The following ANKRD44 variants were observed in gnomAD, a reference collection of about 807,000 sequenced individuals.
The protein encoded by ANKRD44 is ankyrin repeat domain 44.
ANKRD44 carries 35 observed loss-of-function variants against 116.0 expected under a neutral mutation model. The observed-to-expected ratio is 0.30, with a 90% CI of 0.23 to 0.40. ANKRD44 has a LOEUF of 0.40. Ranked by LOEUF, ANKRD44 falls within the 10% of genes least tolerant of loss-of-function variation. The pLI is 1.00. For missense variants in ANKRD44, 1,014 were observed against 1,242.6 expected (o/e 0.82, Z 2.77); for synonymous variants, 435 against 461.8 (o/e 0.94, Z 0.74).
intron 1 of ANKRD44, among the ~76,000 whole-genome samples, chr2:197,243,188 C>T (rs1452426023): frequency 6.6e-6 from 1 of 152,140 alleles, no homozygotes; most frequent in Admixed American, 6.6e-5. Context: ...ACAAAGTCCA[C>T]CATTTTGAAG....
chr2:197,160,086 G>A (rs1444207798), intron 2 of ANKRD44, among the ~76,000 whole-genome samples: 2 of 151,730 alleles, frequency 1.3e-5, no homozygotes, highest in Non-Finnish European at 2.9e-5. Flanking sequence ...ACACACATAC[G>A]CATGCACTTT....
At chr2:197,171,028 A>C (rs980226789) in intron 2 of ANKRD44, among the ~76,000 whole-genome samples, 4 of 152,234 alleles carry the variant, frequency 2.6e-5, no homozygotes, top group Non-Finnish European at 4.4e-5. Flanking sequence ...CATGCCAAGC[A>C]TCCAGCGTTT....
At chr2:197,027,654 C>A in intron 16 of ANKRD44, among the ~76,000 whole-genome samples, 1 of 148,426 alleles carries the variant, frequency 6.7e-6, no homozygotes, top group African/African-American at 2.5e-5. Flanking sequence ...AGTGTCATGA[C>A]AGATCAAGGA....
At chr2:197,303,328 C>T (rs2083969796) in intron 1 of ANKRD44, among the ~76,000 whole-genome samples, 1 of 152,184 alleles carries the variant, frequency 6.6e-6, no homozygotes, top group Non-Finnish European at 1.5e-5. Context: ...TCTACCTGTT[C>T]CCATTTTGAC....
rs572631727 is a variant in ANKRD44, at chr2:197,309,321, G to C, written c.27+1257C>G. On this transcript the variant is annotated intron_variant, in intron 1 of 27. Coordinates refer to ENST00000282272, the MANE Select transcript of ANKRD44 (RefSeq NM_001195144.2). Reference sequence around the variant, plus strand: ...AATACATTCATCACAAGTACCAGCTGCTCTTCTTACTAAATTTAACAATAA... The same window carrying C: ...AATACATTCATCACAAGTACCAGCTCCTCTTCTTACTAAATTTAACAATAA... Among the ~76,000 whole-genome samples, 16 of 152,308 alleles carry C rather than the reference G, an allele frequency of 1.1e-4. 1 individual carries two copies. Among genetic ancestry groups the C allele is most frequent in the Admixed American group, 1.0e-3 (16 of 15,282 alleles).
chr2:197,173,799 G>A (rs770149828), intron 2 of ANKRD44, among the ~76,000 whole-genome samples: 5 of 152,256 alleles, frequency 3.3e-5, no homozygotes, highest in African/African-American at 9.6e-5. Flanking sequence ...TTGGGAAGCC[G>A]AGGTGGGTGG....
intron 10 of ANKRD44, among the ~76,000 whole-genome samples, chr2:197,095,677 T>C (rs1013103320): frequency 1.3e-5 from 2 of 152,176 alleles, no homozygotes; most frequent in African/African-American, 2.4e-5. Context: ...CCCATTTCTA[T>C]CCCTTACTGG....
chr2:197,279,036 G>C (rs1399687487), intron 1 of ANKRD44, among the ~76,000 whole-genome samples: 1 of 152,116 alleles, frequency 6.6e-6, no homozygotes, highest in East Asian at 1.9e-4. Flanking sequence ...AGACTAAGCG[G>C]GTTTTTCTTA....
intron 8 of ANKRD44, among the ~76,000 whole-genome samples, chr2:197,120,831 T>C (rs2078835064): frequency 6.6e-6 from 1 of 152,096 alleles, no homozygotes; most frequent in South Asian, 2.1e-4. Context: ...AGAGATCCAG[T>C]ATTTGTCCTG....
chr2:197,020,691 G>A (rs2076479176), intron 17 of ANKRD44, among the ~76,000 whole-genome samples: 1 of 152,022 alleles, frequency 6.6e-6, no homozygotes, highest in Non-Finnish European at 1.5e-5. Context: ...TATGCATAAA[G>A]TAAAGCCTTC....
chr2:197,275,428 CAAAAAAAAAAA>C (rs527811437), intron 1 of ANKRD44, among the ~76,000 whole-genome samples: 87 of 97,268 alleles, frequency 8.9e-4, no homozygotes, highest in Non-Finnish European at 1.4e-3. Flanking sequence ...CCAGTCTCTT[CAAAAAAAAAAA>C]AAAAAAAAAA....
At position 196,990,050 on chromosome 2, in the gene ANKRD44, A is replaced by T. The variant is rs371738510; in HGVS notation, c.2924-401T>A. 24 of 1,007,814 alleles carry T rather than the reference A, an allele frequency of 2.4e-5. No homozygotes were observed. In the East Asian group the frequency reaches 1.8e-3, roughly 77 times the overall value. The allele number at this position is 1,007,814 out of a possible 1,614,324, so 62.4% of individuals were successfully genotyped here. On this transcript the variant is annotated intron_variant, in intron 27 of 27. Coordinates refer to ENST00000282272, the MANE Select transcript of ANKRD44 (RefSeq NM_001195144.2). The stretch of plus-strand genomic sequence containing the variant: ...TAGGGAACACTGTGTTAAACAAAAA[A>T]AGCAAGTTCAATTTTTCAATTCATC...
chr2:196,971,036 C>T (rs35812339), intron 21 of ANKRD44, among the ~76,000 whole-genome samples: 25,795 of 152,168 alleles, frequency 0.17, 2,233 homozygotes, highest in African/African-American at 0.21. Context: ...ATCTTATAGC[C>T]CTTGTCCATA....
intron 17 of ANKRD44, among the ~76,000 whole-genome samples, chr2:197,023,709 T>A (rs2076539807): frequency 6.6e-6 from 1 of 152,132 alleles, no homozygotes; most frequent in South Asian, 2.1e-4. Context: ...ACCCTCCACA[T>A]AAGACTCTCT....
chr2:197,096,120 A>G (rs1235921544), intron 10 of ANKRD44, among the ~76,000 whole-genome samples: 1 of 152,158 alleles, frequency 6.6e-6, no homozygotes, highest in African/African-American at 2.4e-5. Flanking sequence ...CACATCTTAG[A>G]TATTTTTCAC....
intron 3 of ANKRD44, among the ~76,000 whole-genome samples, chr2:197,143,247 T>C (rs1303455321): frequency 1.3e-5 from 2 of 150,576 alleles, no homozygotes; most frequent in Admixed American, 1.3e-4. Flanking sequence ...ATGTGCACAA[T>C]GTGCAGGTTA....
At chr2:197,136,470 G>A (rs1427031292) in intron 4 of ANKRD44, 122 bp downstream of exon 4, 3 of 857,716 alleles carry the variant, frequency 3.5e-6, no homozygotes, top group Middle Eastern at 2.2e-4. Context: ...TTCATTTTGG[G>A]TAACCCTCTT....
rs1220943834 is a variant in ANKRD44, at chr2:197,025,177, C to T, written c.1722+19G>A. 2 of 1,604,416 alleles carry T rather than the reference C, an allele frequency of 1.2e-6. No individual in the cohort carries two copies. The highest frequency in any genetic ancestry group is 1.1e-5 in the South Asian group (1 of 90,568). On this transcript the variant is annotated intron_variant, in intron 17 of 27. Coordinates refer to ENST00000282272, the MANE Select transcript of ANKRD44 (RefSeq NM_001195144.2). ...GTTGTTTTTGTAACAGGTGAAGCTG[C>T]TCATGGCATCTCACTTACAGCTAAG...
At chr2:197,218,515 T>C (rs1286988785) in intron 1 of ANKRD44, among the ~76,000 whole-genome samples, 1 of 152,068 alleles carries the variant, frequency 6.6e-6, no homozygotes, top group East Asian at 1.9e-4. Context: ...TTTTAATTGC[T>C]CCCAAACCAA....
Sources: allele counts gnomAD v4.1 joint callset (sites outside exome capture counted in the v4.1 genomes callset), GRCh38; gene constraint gnomAD v4.1.1; transcripts MANE v1.5; gene names NCBI Gene and HGNC (gene_info 2026-07-23, HGNC 2026-07-21).